Variants in SYNE2 observed in about 807,000 individuals in gnomAD.
The protein encoded by SYNE2 is spectrin repeat containing nuclear envelope protein 2, also known as nesprin-2.
Under a neutral mutation model 856.3 loss-of-function variants are expected in SYNE2, and 431 were observed. The observed-to-expected ratio is 0.50, with a 90% CI of 0.47 to 0.55. The LOEUF is 0.55. SYNE2 is among the 20% of genes least tolerant of loss of function. SYNE2 has a pLI of 0.00. For missense variants in SYNE2, 8,129 were observed against 8,023.2 expected (o/e 1.01, Z -0.50); for synonymous variants, 2,923 against 2,872.3 (o/e 1.02, Z -0.56).
intron 57 of SYNE2, chr14:64,085,201 TAGTTGGGAC>T (rs1341961596): frequency 5.6e-6 from 3 of 534,926 alleles, no homozygotes; most frequent in Non-Finnish European, 1.0e-5. Context: ...GCCTCCCAGG[TAGTTGGGAC>T]TACAGGCGCA....
chr14:63,839,072 C>T (rs1422167190), intron 1 of SYNE2, among the ~76,000 whole-genome samples: 1 of 151,758 alleles, frequency 6.6e-6, no homozygotes, highest in Non-Finnish European at 1.5e-5. Context: ...ATTCTGTTGC[C>T]CAGGCTGGAA....
At position 63,781,041 on chromosome 14, in the gene SYNE2, C is replaced by A. The variant is rs564537820; in HGVS notation, c.-305+19055C>A. On this transcript the variant is annotated intron_variant, in intron 1 of 23. Transcript: ENST00000674003. The stretch of plus-strand genomic sequence containing the variant: ...CCTGTAATCCCAGCCCTTTGGGAGG[C>A]CGAGGTGGGCGGATTACCTGAGGTC... Among the ~76,000 whole-genome samples, 10 of 152,144 alleles carry A rather than the reference C, an allele frequency of 6.6e-5. No homozygotes were observed. In the South Asian group the frequency reaches 1.9e-3, roughly 28 times the overall value.
At chr14:64,026,321 T>G (rs553800984) in intron 41 of SYNE2, among the ~76,000 whole-genome samples, 1 of 152,282 alleles carries the variant, frequency 6.6e-6, no homozygotes, top group South Asian at 2.1e-4. Flanking sequence ...GCCAGGGTTT[T>G]GGGGGCATAA....
intron 1 of SYNE2, among the ~76,000 whole-genome samples, chr14:63,763,525 C>T (rs1319070863): frequency 1.3e-5 from 2 of 151,808 alleles, no homozygotes; most frequent in East Asian, 3.9e-4. Flanking sequence ...GACAGGGTAA[C>T]ATGGCGAGAC....
chr14:63,893,445 G>A (rs1028637448), intron 1 of SYNE2, among the ~76,000 whole-genome samples: 3 of 152,096 alleles, frequency 2.0e-5, no homozygotes, highest in Non-Finnish European at 4.4e-5. Flanking sequence ...GCACACGCCT[G>A]TAGTCCCATC....
chr14:63,763,502 G>A (rs1886567534), intron 1 of SYNE2, among the ~76,000 whole-genome samples: 1 of 151,844 alleles, frequency 6.6e-6, no homozygotes, highest in African/African-American at 2.4e-5. Context: ...TTGGGGCCAG[G>A]GGTTTGAGAC....
In SYNE2 at chr14:63,780,431, G is replaced by T. The variant is rs944804863; in HGVS notation, c.-305+18445G>T. ...TGCCTGTAATCCCAGCTGCTTGGGA[G>T]GCTGAGGCAGGAGAATCGCTTGAAC... On this transcript the variant is annotated intron_variant, in intron 1 of 23. Transcript: ENST00000674003. 2.0e-5 allele frequency among the ~76,000 whole-genome samples: 3 copies of T among 152,150 alleles called. No homozygotes were observed. In the East Asian group the frequency reaches 5.8e-4, roughly 29 times the overall value.
chr14:64,185,519 C>CTTTTTTTTTTTTTTTTTT (rs66490444), intron 96 of SYNE2, among the ~76,000 whole-genome samples: 21 of 77,456 alleles, frequency 2.7e-4, no homozygotes, highest in Non-Finnish European at 3.3e-4. Context: ...TTTTCTTTTT[C>CTTTTTTTTTTTTTTTTTT]TTTTTTTTTT....
chr14:63,929,128 A>G (rs926971614), intron 2 of SYNE2, among the ~76,000 whole-genome samples: 1 of 152,112 alleles, frequency 6.6e-6, no homozygotes, highest in Non-Finnish European at 1.5e-5. Flanking sequence ...GCCACTCTTG[A>G]TGGGCTCCTA....
chr14:64,143,961 G>C lies in SYNE2; in HGVS notation c.15483+13G>C. On this transcript the variant is annotated intron_variant, in intron 83 of 115. Coordinates refer to ENST00000555002, the MANE Select transcript of SYNE2 (RefSeq NM_182914.3). ...GCTGAATAGAAAGGTGTGTTCCTGC[G>C]TCACAACTGGATGTGTGGTTTGACC... 1 of 1,613,996 alleles carries C rather than the reference G, an allele frequency of 6.2e-7. No individual in the cohort carries two copies. Among genetic ancestry groups the C allele is most frequent in the Admixed American group, 1.7e-5 (1 of 60,012 alleles).
chr14:63,996,586 C>G (rs2096715666), intron 23 of SYNE2, among the ~76,000 whole-genome samples: 1 of 152,088 alleles, frequency 6.6e-6, no homozygotes, highest in South Asian at 2.1e-4. Flanking sequence ...GGTGGTCCTT[C>G]TGCTAGAAAT....
intron 23 of SYNE2, among the ~76,000 whole-genome samples, chr14:63,995,486 A>C (rs1267364554): frequency 6.6e-6 from 1 of 152,142 alleles, no homozygotes; most frequent in Non-Finnish European, 1.5e-5. Flanking sequence ...AACTGTTACT[A>C]AAGTACCCAC....
At chr14:63,918,619 G>A (rs1451067001) in intron 2 of SYNE2, among the ~76,000 whole-genome samples, 1 of 152,204 alleles carries the variant, frequency 6.6e-6, no homozygotes, top group Non-Finnish European at 1.5e-5. Flanking sequence ...CATGTTGGGC[G>A]AGCATGGGAG....
chr14:64,226,021 ATT>A lies in SYNE2; in HGVS notation c.*498_*499del, dbSNP rs1000342525. 2 of 216,604 alleles carry A rather than the reference ATT, an allele frequency of 9.2e-6. No homozygotes were observed. The highest frequency in any genetic ancestry group is 1.9e-5 in the Non-Finnish European group (2 of 107,668). The allele number at this position is 216,604 out of a possible 1,614,324, so 13.4% of individuals were successfully genotyped here. A position where few individuals can be genotyped will look rare whatever the true frequency, so the allele number is the denominator to read the frequency against. ...TCAGTTTTACTCCAATCAGCTGGCA[ATT>A]TTGAGCTGCCGGTTATACACCAAAA... On this transcript the variant is annotated 3_prime_UTR_variant, in exon 116 of 116. Transcript: ENST00000555002.
In SYNE2 at chr14:64,152,663, A is replaced by G; in HGVS notation, c.15739A>G (p.Thr5247Ala). 1 of 1,614,162 alleles carries G rather than the reference A, an allele frequency of 6.2e-7. No individual in the cohort carries two copies. The highest frequency in any genetic ancestry group is 8.5e-7 in the Non-Finnish European group (1 of 1,180,006). Reference sequence around the variant, plus strand: ...TGGGGCAGTGCCATTGTTAGAAGATACAGCATCCCGAATTGATGAGTTATT... The same window carrying G: ...TGGGGCAGTGCCATTGTTAGAAGATGCAGCATCCCGAATTGATGAGTTATT... Reference protein sequence around the residue: ...ESGAVPLLEDTASRIDELFQK... With the variant: ...ESGAVPLLEDAASRIDELFQK... Residue 5247 changes from threonine to alanine, a missense_variant, in exon 85 of 116, where the codon ACA (threonine) becomes GCA (alanine). By Grantham distance (58) the Thr-to-Ala change is moderately conservative (BLOSUM62 0). Coordinates refer to ENST00000555002, the MANE Select transcript of SYNE2 (RefSeq NM_182914.3).
At position 63,990,899 on chromosome 14, in the gene SYNE2, G is replaced by T. The variant is rs1303266419; in HGVS notation, c.2473-43G>T. On this transcript the variant is annotated intron_variant, in intron 20 of 115. Coordinates refer to ENST00000555002, the MANE Select transcript of SYNE2 (RefSeq NM_182914.3). ...ATTTGTTAACTTAAGAATTTATTAA[G>T]AATTGGTCCCCGTGTTAATTTGAGA... is the stretch of plus-strand genomic sequence containing the variant. The T allele has an allele frequency of 2.0e-6, 3 of 1,533,424 alleles. No individual in the cohort carries two copies. In the African/African-American group the frequency reaches 4.1e-5, roughly 21 times the overall value. 95.0% of individuals were successfully genotyped at this position (1,533,424 alleles called of 1,614,324 possible).
chr14:63,793,760 G>T (rs1887819261), intron 1 of SYNE2, among the ~76,000 whole-genome samples: 1 of 128,698 alleles, frequency 7.8e-6, no homozygotes, highest in South Asian at 2.3e-4. Flanking sequence ...AACAAAATGA[G>T]GCCCCCCCCC....
chr14:64,072,643 G>C (rs980758824), intron 52 of SYNE2, among the ~76,000 whole-genome samples: 2 of 152,052 alleles, frequency 1.3e-5, no homozygotes, highest in Non-Finnish European at 2.9e-5. Context: ...GGGATTACAC[G>C]CATGTGCCAC....
At chr14:63,996,886 C>T in intron 23 of SYNE2, 61 bp from the exon 24 acceptor site, 1 of 1,502,244 alleles carries the variant, frequency 6.7e-7, no homozygotes, top group Non-Finnish European at 9.2e-7. Flanking sequence ...GTTTCTAGTC[C>T]TTATGGAATA....
Sources: gnomAD v4.1 joint callset for allele counts (sites outside exome capture counted in the v4.1 genomes callset) on GRCh38, gnomAD v4.1.1 for gene constraint, MANE v1.5 for transcripts, NCBI Gene and HGNC (gene_info 2026-07-23, HGNC 2026-07-21) for gene names.